GC: variants seen among roughly 807,000 people sequenced by gnomAD.
The protein encoded by GC is GC vitamin D binding protein.
GC carries 43 observed loss-of-function variants against 56.7 expected under a neutral mutation model. The ratio of observed to expected loss-of-function variants is 0.76; its 90% confidence interval spans 0.59 to 0.98. The LOEUF (loss-of-function observed/expected upper bound fraction) is 0.98. GC is among the 50% of genes least tolerant of loss of function. The pLI, the probability that GC is intolerant of heterozygous loss-of-function variation, is 0.00. For missense variants in GC, 529 were observed against 545.9 expected (o/e 0.97, Z 0.31); for synonymous variants, 216 against 202.7 (o/e 1.07, Z -0.56).
At chr4:71,752,391 T>G in intron 11 of GC, 127 bp downstream of exon 11, 1 of 712,216 alleles carries the variant, frequency 1.4e-6, no homozygotes. Flanking sequence ...GACAGCCAAG[T>G]TACAATAACA....
At chr4:71,785,567 G>T (rs553156411), upstream of GC, among the ~76,000 whole-genome samples, 1 of 151,682 alleles carries the variant, frequency 6.6e-6, no homozygotes, top group Non-Finnish European at 1.5e-5. Flanking sequence ...GTTGGAAAAA[G>T]ATACCTATGC....
At chr4:71,781,832 C>A (rs1225726079) in intron 1 of GC, among the ~76,000 whole-genome samples, 1 of 151,676 alleles carries the variant, frequency 6.6e-6, no homozygotes, top group African/African-American at 2.4e-5. Context: ...AACAAGATTC[C>A]CAATGCTGTT....
intron 7 of GC, among the ~76,000 whole-genome samples, 176 bp from the exon 8 acceptor site, chr4:71,757,090 T>C (rs2149297092): frequency 6.6e-6 from 1 of 152,274 alleles, no homozygotes; most frequent in East Asian, 1.9e-4. Flanking sequence ...GTACTAAAAG[T>C]CTTAAAAATG....
chr4:71,799,500 A>C (rs1743196966), intron 1 of GC, among the ~76,000 whole-genome samples: 1 of 152,086 alleles, frequency 6.6e-6, no homozygotes, highest in Admixed American at 6.5e-5. Flanking sequence ...GACACTGCTG[A>C]GATTATTTAA....
chr4:71,766,780 C>T (rs1400015444), intron 3 of GC, among the ~76,000 whole-genome samples: 1 of 152,060 alleles, frequency 6.6e-6, no homozygotes, highest in African/African-American at 2.4e-5. Flanking sequence ...CCTTTCCATT[C>T]ATTTCCCTGG....
At chr4:71,796,476 C>A (rs558534145) in intron 1 of GC, among the ~76,000 whole-genome samples, 1 of 152,180 alleles carries the variant, frequency 6.6e-6, no homozygotes, top group African/African-American at 2.4e-5. Context: ...CTTGTAGATG[C>A]GTCACAAAGT....
intron 3 of GC, among the ~76,000 whole-genome samples, chr4:71,766,024 C>T (rs1466159380): frequency 6.6e-6 from 1 of 152,134 alleles, no homozygotes; most frequent in Admixed American, 6.5e-5. Context: ...TCATTATCTC[C>T]CATCTGCTTT....
At chr4:71,766,809 T>G (rs1391108400) in intron 3 of GC, among the ~76,000 whole-genome samples, 1 of 152,162 alleles carries the variant, frequency 6.6e-6, no homozygotes, top group Non-Finnish European at 1.5e-5. Flanking sequence ...CTTTTTGCCT[T>G]TTTAAAGTTA....
chr4:71,778,890 A>AGTTATTGTT (rs141990791), intron 1 of GC, among the ~76,000 whole-genome samples: 17 of 19,780 alleles, frequency 8.6e-4, no homozygotes, highest in South Asian at 2.5e-3. Context: ...TATTGCTGTC[A>AGTTATTGTT]GTTATTATTA....
At position 71,756,804 on chromosome 4, in the gene GC, G is replaced by C; in HGVS notation, c.942C>G (p.Phe314Leu). 1 of 1,613,396 alleles carries C rather than the reference G, an allele frequency of 6.2e-7. No individual in the cohort carries two copies. Among genetic ancestry groups the C allele is most frequent in the Non-Finnish European group, 8.5e-7 (1 of 1,179,378 alleles). ...TAMDVFVCTYFMPAAQLPELP... is the reference protein window; with the variant it reads ...TAMDVFVCTYLMPAAQLPELP... ...GCTCGGGGAGTTGGGCAGCTGGCAT[G>C]AAGTAAGTGCACACAAAAACGTCCA... The change falls in exon 8 of 13, where the codon TTC becomes TTG. Residue 314 changes from phenylalanine (F) to leucine (L), a missense_variant. Coordinates refer to ENST00000273951, the MANE Select transcript of GC (RefSeq NM_000583.4).
At chr4:71,749,441 T>C (rs914379666) in intron 11 of GC, among the ~76,000 whole-genome samples, 7 of 152,214 alleles carry the variant, frequency 4.6e-5, no homozygotes, top group Admixed American at 3.3e-4. Flanking sequence ...CATATCTGTA[T>C]AGACAGATAA....
upstream of GC, among the ~76,000 whole-genome samples, chr4:71,804,580 T>C (rs901799892): frequency 6.6e-6 from 1 of 151,976 alleles, no homozygotes; most frequent in African/African-American, 2.4e-5. Flanking sequence ...CAAAGTTGTT[T>C]TAGCTAGCAC....
intron 11 of GC, among the ~76,000 whole-genome samples, chr4:71,749,060 A>T (rs1486979355): frequency 6.6e-6 from 1 of 152,150 alleles, no homozygotes; most frequent in Non-Finnish European, 1.5e-5. Context: ...TAAAGTCAGA[A>T]AGGAGGGGTG....
intron 11 of GC, 42 bp from the exon 12 acceptor site, chr4:71,746,247 T>A: frequency 1.1e-6 from 1 of 925,984 alleles, no homozygotes; most frequent in Non-Finnish European, 1.8e-6. Context: ...ATGAAGTATT[T>A]CATTTGTAGG....
upstream of GC, chr4:71,784,472 C>A (rs1401082660): frequency 5.7e-6 from 1 of 174,204 alleles, no homozygotes; most frequent in African/African-American, 2.4e-5. Context: ...TACCTCTCTT[C>A]CTCTCTTTGT....
intron 1 of GC, among the ~76,000 whole-genome samples, chr4:71,770,274 C>A (rs544190883): frequency 1.3e-5 from 2 of 152,074 alleles, no homozygotes; most frequent in African/African-American, 4.8e-5. Flanking sequence ...AGCAAGAGAG[C>A]GAGCTGGCTA....
intron 1 of GC, among the ~76,000 whole-genome samples, chr4:71,791,005 G>T (rs1415064755): frequency 6.6e-6 from 1 of 151,824 alleles, no homozygotes; most frequent in African/African-American, 2.4e-5. Flanking sequence ...CTTCTCAAAA[G>T]AAGACATTTA....
In GC at chr4:71,763,413, C is replaced by T. The variant is rs749734538; in HGVS notation, c.696G>A (p.Arg232=). 1.3e-6 allele frequency: 2 copies of T among 1,551,396 alleles called. No individual in the cohort carries two copies. Among genetic ancestry groups the T allele is most frequent in the South Asian group, 2.2e-5 (2 of 89,580 alleles). The part of the protein sequence containing the change: ...QYAAYGEKKS[R]LSNLIKLAQK... ...CAATAGCACTTAATCTTTACCTGAG[C>T]CTTGATTTCTTCTCCCCATAAGCAG... The change falls in exon 6 of 13, where the codon AGG becomes AGA. Residue 232 remains arginine, a synonymous_variant. Transcript: ENST00000273951.
chr4:71,802,339 G>A (rs550238899), intron 1 of GC, among the ~76,000 whole-genome samples: 2 of 152,156 alleles, frequency 1.3e-5, no homozygotes, highest in Admixed American at 1.3e-4. Flanking sequence ...CTAGGATTAT[G>A]CACATGCAAA....
Sources: gnomAD v4.1 joint callset for allele counts (sites outside exome capture counted in the v4.1 genomes callset) on GRCh38, gnomAD v4.1.1 for gene constraint, MANE v1.5 for transcripts, NCBI Gene and HGNC (gene_info 2026-07-23, HGNC 2026-07-21) for gene names.